The following CTNND2 variants were observed in gnomAD, a reference collection of about 807,000 sequenced individuals.
CTNND2 encodes catenin delta-2.
CTNND2 carries 22 observed loss-of-function variants against 144.4 expected under a neutral mutation model. The observed-to-expected ratio is 0.15, with a 90% confidence interval of 0.11 to 0.22. CTNND2 has a LOEUF of 0.22. CTNND2 is among the 10% of genes least tolerant of loss of function. The pLI is 1.00. For missense variants in CTNND2, 1,353 were observed against 1,618.8 expected (o/e 0.84, Z 2.82); for synonymous variants, 751 against 695.6 (o/e 1.08, Z -1.25).
intron 3 of CTNND2, among the ~76,000 whole-genome samples, chr5:11,560,993 G>C (rs1481494914): frequency 6.6e-6 from 1 of 152,184 alleles, no homozygotes; most frequent in Non-Finnish European, 1.5e-5. Context: ...GACAAGGGCA[G>C]GTACTCAGGC....
intron 11 of CTNND2, among the ~76,000 whole-genome samples, chr5:11,164,266 G>A (rs918671243): frequency 1.1e-4 from 16 of 152,154 alleles, no homozygotes; most frequent in Admixed American, 1.0e-3. Context: ...ATCATGAAAA[G>A]TAACATTTAC....
Position 11,397,108 on chromosome 5 carries a change from C to T in CTNND2, c.535G>A (p.Ala179Thr). Residue 179 changes from alanine to threonine, a missense_variant, in exon 6 of 22, where the codon GCC (alanine) becomes ACC (threonine). Ala to Thr is a moderately conservative substitution (Grantham distance 58). Coordinates refer to ENST00000304623, the MANE Select transcript of CTNND2 (RefSeq NM_001332.4). ...TGTGAAGGGGTGGTTTCCCCCAGGGCCAGGGTCTGGTTGCTATGGTAGCTG... is the reference window on the plus strand; with the variant it reads ...TGTGAAGGGGTGGTTTCCCCCAGGGTCAGGGTCTGGTTGCTATGGTAGCTG... Reference protein sequence around the residue: ...PASYHSNQTLALGETTPSQLP... With the variant: ...PASYHSNQTLTLGETTPSQLP... The T allele has an allele frequency of 6.2e-7, 1 of 1,614,148 alleles. No individual in the cohort carries two copies. The highest frequency in any genetic ancestry group is 1.1e-5 in the South Asian group (1 of 91,078).
intron 18 of CTNND2, among the ~76,000 whole-genome samples, chr5:11,004,654 T>C (rs1426759125): frequency 6.6e-6 from 1 of 151,870 alleles, no homozygotes; most frequent in Non-Finnish European, 1.5e-5. Flanking sequence ...TCTCAGCTAC[T>C]TGGGAGGCTG....
chr5:11,690,499 C>T (rs1477852300), intron 2 of CTNND2, among the ~76,000 whole-genome samples: 1 of 151,788 alleles, frequency 6.6e-6, no homozygotes, highest in Non-Finnish European at 1.5e-5. Context: ...CTTGGGAGGC[C>T]GAGGCGGGTG....
intron 1 of CTNND2, among the ~76,000 whole-genome samples, chr5:11,775,811 G>A (rs1790220800): frequency 6.6e-6 from 1 of 152,194 alleles, no homozygotes; most frequent in Non-Finnish European, 1.5e-5. Context: ...TTTGTAAATA[G>A]AGTCTTTGCA....
chr5:11,086,769 A>G (rs923437724), intron 15 of CTNND2, among the ~76,000 whole-genome samples: 5 of 152,222 alleles, frequency 3.3e-5, no homozygotes, highest in African/African-American at 7.2e-5. Flanking sequence ...CAGCCCAGCT[A>G]TAAATACAAC....
At chr5:11,770,468 A>AG (rs1437634210) in intron 1 of CTNND2, among the ~76,000 whole-genome samples, 6 of 128,532 alleles carry the variant, frequency 4.7e-5, no homozygotes, top group African/African-American at 6.9e-5. Context: ...AGGAAGGGGT[A>AG]GGGGTAGGGG....
intron 1 of CTNND2, among the ~76,000 whole-genome samples, chr5:11,737,523 A>G (rs1787756111): frequency 1.3e-5 from 2 of 152,222 alleles, no homozygotes; most frequent in South Asian, 4.1e-4. Context: ...CTTCTAGCAG[A>G]ACTTGGTACC....
intron 1 of CTNND2, among the ~76,000 whole-genome samples, chr5:11,757,324 T>A (rs540137007): frequency 5.4e-4 from 82 of 151,978 alleles, no homozygotes; most frequent in African/African-American, 1.9e-3. Context: ...TACGCAGCTA[T>A]CCCACTGTAT....
At chr5:11,282,282 G>A (rs1304761706) in intron 9 of CTNND2, among the ~76,000 whole-genome samples, 1 of 152,196 alleles carries the variant, frequency 6.6e-6, no homozygotes, top group African/African-American at 2.4e-5. Flanking sequence ...GCACTCAGGA[G>A]AGTGACTGGC....
intron 3 of CTNND2, among the ~76,000 whole-genome samples, chr5:11,429,728 T>C (rs1310647287): frequency 6.6e-6 from 1 of 152,034 alleles, no homozygotes; most frequent in East Asian, 1.9e-4. Flanking sequence ...GACTTTGGCG[T>C]TTTGTATAGA....
At chr5:11,603,066 TAGAA>T (rs1779883709) in intron 2 of CTNND2, among the ~76,000 whole-genome samples, 2 of 152,116 alleles carry the variant, frequency 1.3e-5, no homozygotes, top group African/African-American at 4.8e-5. Flanking sequence ...TCTAACCTAT[TAGAA>T]AGAGGCATTT....
intron 1 of CTNND2, among the ~76,000 whole-genome samples, chr5:11,755,231 T>C (rs1364190411): frequency 6.6e-6 from 1 of 151,814 alleles, no homozygotes; most frequent in African/African-American, 2.4e-5. Context: ...AAATTCTCCG[T>C]TGCAATTTAT....
At chr5:11,779,060 C>A (rs750257673) in intron 1 of CTNND2, among the ~76,000 whole-genome samples, 11 of 152,142 alleles carry the variant, frequency 7.2e-5, no homozygotes, top group Non-Finnish European at 1.5e-4. Flanking sequence ...GCATGACAGG[C>A]CTTTTTTGGG....
chr5:11,807,308 A>G (rs939766758), intron 1 of CTNND2, among the ~76,000 whole-genome samples: 4 of 152,134 alleles, frequency 2.6e-5, no homozygotes, highest in African/African-American at 9.7e-5. Context: ...CCAATTAAAC[A>G]TTATCTTTTG....
rs545533223 is a variant in CTNND2, at chr5:11,088,078, GT to G, written c.2638-5233del. Among the ~76,000 whole-genome samples, 6 of 152,148 alleles carry G rather than the reference GT, an allele frequency of 3.9e-5. No individual in the cohort carries two copies. In the South Asian group the frequency reaches 6.2e-4, roughly 16 times the overall value. ...AAGGAAACTTTCTGAACATGAAAAG[GT>G]TTTTTGTTTGTTTTTACTGTGGATG... On this transcript the variant is annotated intron_variant, in intron 15 of 21. Transcript: ENST00000304623.
chr5:11,686,427 A>G (rs1244737758), intron 2 of CTNND2, among the ~76,000 whole-genome samples: 2 of 152,186 alleles, frequency 1.3e-5, no homozygotes, highest in African/African-American at 4.8e-5. Context: ...ATCTTTTGTC[A>G]GAGTGAACTT....
At chr5:11,645,165 T>A (rs1782281296) in intron 2 of CTNND2, among the ~76,000 whole-genome samples, 1 of 151,974 alleles carries the variant, frequency 6.6e-6, no homozygotes, top group South Asian at 2.1e-4. Flanking sequence ...GGGGTTTCAC[T>A]GTGTTACCCA....
intron 10 of CTNND2, among the ~76,000 whole-genome samples, chr5:11,221,130 A>G (rs1739749523): frequency 6.6e-6 from 1 of 152,220 alleles, no homozygotes; most frequent in Non-Finnish European, 1.5e-5. Context: ...GAGTAGTCAT[A>G]TAATGAGCAC....
Sources: gnomAD v4.1 joint callset for allele counts (sites outside exome capture counted in the v4.1 genomes callset) on GRCh38, gnomAD v4.1.1 for gene constraint, MANE v1.5 for transcripts, NCBI Gene and HGNC (gene_info 2026-07-23, HGNC 2026-07-21) for gene names.